Variants in SLC38A1 observed in about 807,000 individuals in gnomAD.
SLC38A1 encodes the protein sodium-coupled neutral amino acid symporter 1.
SLC38A1 carries 18 observed loss-of-function variants against 60.3 expected under a neutral mutation model. The observed-to-expected ratio is 0.30, with a 90% CI of 0.21 to 0.44. SLC38A1 has a LOEUF of 0.44. Ranked by LOEUF, SLC38A1 falls within the 20% of genes least tolerant of loss-of-function variation. SLC38A1 has a pLI of 1.00. For synonymous variants in SLC38A1, 196 were observed against 212.1 expected (o/e 0.92, Z 0.66); for missense variants, 448 against 587.2 (o/e 0.76, Z 2.45).
chr12:46,252,997 A>G (rs1039428621), intron 1 of SLC38A1, among the ~76,000 whole-genome samples: 1 of 55,252 alleles, frequency 1.8e-5, no homozygotes, highest in Non-Finnish European at 4.0e-5. Flanking sequence ...TCTTTTTTTG[A>G]AAAAAAAAAA....
intron 1 of SLC38A1, among the ~76,000 whole-genome samples, chr12:46,245,620 T>C (rs1276152561): frequency 6.6e-6 from 1 of 152,176 alleles, no homozygotes; most frequent in East Asian, 1.9e-4. Flanking sequence ...CTTCTGGATA[T>C]ACACCCAAAG....
intron 11 of SLC38A1, among the ~76,000 whole-genome samples, chr12:46,203,306 A>C: frequency 6.6e-6 from 1 of 152,092 alleles, no homozygotes; most frequent in East Asian, 1.9e-4. Context: ...GGGACTTCGG[A>C]TTTGGCTCAC....
rs1942424329 is a variant in SLC38A1, at chr12:46,268,192, C to G, written c.-209+334G>C. Among the ~76,000 whole-genome samples the G allele has an allele frequency of 6.6e-6, 1 of 152,146 alleles. No homozygotes were observed. On this transcript the variant is annotated intron_variant, in intron 1 of 16. Coordinates refer to ENST00000398637, the MANE Select transcript of SLC38A1 (RefSeq NM_030674.4). This position sits in a 1 kb window ranked among gnomAD's most constrained non-coding sequence, Gnocchi z 4.4. The stretch of plus-strand genomic sequence containing the variant: ...CCAGACGTGCGTGGTTCCTGGCTCT[C>G]GTAAAAATGGAACCAGATCTGGTAC...
intron 4 of SLC38A1, 43 bp downstream of exon 4, chr12:46,229,521 T>C (rs374472547): frequency 5.9e-5 from 86 of 1,449,524 alleles, no homozygotes; most frequent in Non-Finnish European, 1.3e-5. Flanking sequence ...TCCCAATTTA[T>C]ATGATTAAAA....
Position 46,229,264 on chromosome 12 carries a change from G to A in SLC38A1, c.203C>T (p.Pro68Leu). 1 of 1,601,632 alleles carries A rather than the reference G, an allele frequency of 6.2e-7. No homozygotes were observed. The highest frequency in any genetic ancestry group is 8.5e-7 in the Non-Finnish European group (1 of 1,169,628). ...LEKKKCDEYI[P>L]GTTSLGMSVF... is the part of the protein sequence containing the mutation. ...AGACATGCCTAAGGAGGTTGTACCT[G>A]GAATCTGAACAAAGAAACAAACATT... Residue 68 changes from proline to leucine, a missense_variant, in exon 5 of 17, where the codon CCA becomes CTA. By Grantham distance (98) the Pro-to-Leu change is moderately conservative. Transcript: ENST00000398637.
chr12:46,255,261 A>G (rs1941982963), intron 1 of SLC38A1, among the ~76,000 whole-genome samples: 2 of 152,260 alleles, frequency 1.3e-5, no homozygotes, highest in Non-Finnish European at 2.9e-5. Flanking sequence ...ATTGACTAGG[A>G]AATTTGGGTT....
In SLC38A1 at chr12:46,187,082, CTAA is replaced by C. The variant is rs1051778698; in HGVS notation, c.*1885_*1887del. On this transcript the variant is annotated 3_prime_UTR_variant, in exon 17 of 17. Transcript: ENST00000398637. ...CATATCCAAATATCTGAACTCTAACCTAATGTGGATATGATTCTGTAGCATTAT... is the reference window on the plus strand; with the variant it reads ...CATATCCAAATATCTGAACTCTAACCTGTGGATATGATTCTGTAGCATTAT... The C allele has an allele frequency of 2.0e-5, 3 of 152,222 alleles. No homozygotes were observed. The highest frequency in any genetic ancestry group is 1.3e-4 in the Admixed American group (2 of 15,282). The allele number at this position is 152,222 out of a possible 1,614,324, so 9.4% of individuals were successfully genotyped here. A position where few individuals can be genotyped will look rare whatever the true frequency, so the allele number is the denominator to read the frequency against.
In SLC38A1 at chr12:46,268,703, G is replaced by A. The variant is rs190846430; in HGVS notation, c.-386C>T. The A allele has an allele frequency of 7.0e-6, 2 of 286,544 alleles. No individual in the cohort carries two copies. The highest frequency in any genetic ancestry group is 7.5e-6 in the Non-Finnish European group (1 of 133,336). The allele number at this position is 286,544 out of a possible 1,614,324, so 17.8% of individuals were successfully genotyped here. ...GCTTGGCGTGGCCTGGCGGATTTCG[G>A]AGGAAGGTGAAGGGCGGAGGCTCCT... On this transcript the variant is annotated 5_prime_UTR_variant, in exon 1 of 17. Coordinates refer to ENST00000398637, the MANE Select transcript of SLC38A1 (RefSeq NM_030674.4). The surrounding 1 kb of genome is among the most constrained non-coding windows in gnomAD (Gnocchi z 4.4).
chr12:46,202,768 C>T (rs1041730263), intron 12 of SLC38A1, among the ~76,000 whole-genome samples: 1 of 152,194 alleles, frequency 6.6e-6, no homozygotes, highest in East Asian at 1.9e-4. Context: ...AAAAAGCCCA[C>T]ATGGTTGGCT....
chr12:46,210,087 C>T (rs1473452002), intron 5 of SLC38A1, among the ~76,000 whole-genome samples: 1 of 152,136 alleles, frequency 6.6e-6, no homozygotes, highest in African/African-American at 2.4e-5. Context: ...AGGCACTTGG[C>T]ACATCATGCC....
intron 1 of SLC38A1, among the ~76,000 whole-genome samples, chr12:46,244,141 T>C (rs1023511019): frequency 2.6e-5 from 4 of 151,910 alleles, no homozygotes; most frequent in African/African-American, 9.7e-5. Flanking sequence ...AGTGCATACA[T>C]GCATGAAGGA....
chr12:46,198,379 A>T (rs934407865), intron 14 of SLC38A1, among the ~76,000 whole-genome samples: 3 of 152,090 alleles, frequency 2.0e-5, no homozygotes, highest in Admixed American at 1.3e-4. Context: ...TTCTATTGTC[A>T]TTTCTTTGGA....
At chr12:46,192,896 T>C (rs1376118567) in intron 16 of SLC38A1, among the ~76,000 whole-genome samples, 1 of 152,194 alleles carries the variant, frequency 6.6e-6, no homozygotes, top group African/African-American at 2.4e-5. Flanking sequence ...CCTGGATTCA[T>C]TGATTTTTTG....
intron 12 of SLC38A1, among the ~76,000 whole-genome samples, 183 bp from the exon 13 acceptor site, chr12:46,201,381 G>A (rs1371059059): frequency 6.6e-6 from 1 of 152,180 alleles, no homozygotes; most frequent in Non-Finnish European, 1.5e-5. Context: ...TTGGTATTGA[G>A]GGTGAGATCT....
At chr12:46,204,659 C>T (rs756236393) in intron 9 of SLC38A1, 69 bp from the exon 10 acceptor site, 3 of 1,177,530 alleles carry the variant, frequency 2.5e-6, no homozygotes, top group African/African-American at 3.1e-5. Flanking sequence ...AGCTACCCAT[C>T]ATAAACTGTT....
intron 5 of SLC38A1, among the ~76,000 whole-genome samples, chr12:46,210,638 A>T (rs1940118630): frequency 6.6e-6 from 1 of 152,100 alleles, no homozygotes; most frequent in Non-Finnish European, 1.5e-5. Flanking sequence ...TAATTGAATC[A>T]TGGGGGCAGT....
At chr12:46,260,061 G>A (rs1488727474) in intron 1 of SLC38A1, among the ~76,000 whole-genome samples, 4 of 152,156 alleles carry the variant, frequency 2.6e-5, no homozygotes, top group Non-Finnish European at 4.4e-5. Context: ...ATCTGATACA[G>A]TCATAAAGAT....
At chr12:46,236,123 T>C (rs2138152686) in intron 3 of SLC38A1, among the ~76,000 whole-genome samples, 1 of 152,338 alleles carries the variant, frequency 6.6e-6, no homozygotes, top group Middle Eastern at 3.4e-3. Flanking sequence ...TTTCCTCATT[T>C]ATTTTCACAA....
At chr12:46,193,957 T>G (rs1321077200) in intron 16 of SLC38A1, among the ~76,000 whole-genome samples, 2 of 152,236 alleles carry the variant, frequency 1.3e-5, no homozygotes, top group Non-Finnish European at 2.9e-5. Flanking sequence ...TTGTTATGTT[T>G]GAATTTGATC....
Sources: gnomAD v4.1 joint callset for allele counts (sites outside exome capture counted in the v4.1 genomes callset) on GRCh38, gnomAD v4.1.1 for gene constraint, Gnocchi (gnomAD v3.1) non-coding constraint, MANE v1.5 for transcripts, NCBI Gene and HGNC (gene_info 2026-07-23, HGNC 2026-07-21) for gene names.